Variants in ANKRD45 observed in about 807,000 individuals in gnomAD.
The protein encoded by ANKRD45 is ankyrin repeat domain 45.
Under a neutral mutation model 28.1 loss-of-function variants are expected in ANKRD45, and 21 were observed. The observed-to-expected ratio is 0.75, with a 90% CI of 0.53 to 1.08. ANKRD45 has a LOEUF of 1.08. Among genes scored for constraint, ANKRD45 ranks in the 50% least tolerant of loss-of-function variants. ANKRD45 has a pLI of 0.00. For synonymous variants in ANKRD45, 86 were observed against 103.9 expected (o/e 0.83, Z 1.05); for missense variants, 261 against 308.7 (o/e 0.85, Z 1.16).
the ANKRD45 span, among the ~76,000 whole-genome samples, chr1:173,686,203 GGCAAACATTAAAT>G: frequency 6.6e-6 from 1 of 152,164 alleles, no homozygotes; most frequent in Non-Finnish European, 1.5e-5. Context: ...GGCATAACAA[GGCAAACATTAAAT>G]GCAATAGTTC....
chr1:173,647,269 T>C (rs373252663), intron 2 of ANKRD45, among the ~76,000 whole-genome samples: 3 of 152,288 alleles, frequency 2.0e-5, no homozygotes, highest in South Asian at 4.1e-4. Flanking sequence ...GAAACATCCC[T>C]GGCAAACAGT....
the ANKRD45 span, among the ~76,000 whole-genome samples, chr1:173,707,532 C>T: frequency 6.6e-6 from 1 of 152,068 alleles, no homozygotes; most frequent in East Asian, 1.9e-4. Flanking sequence ...AGGGTTTCAC[C>T]ATGCTGGCCA....
At chr1:173,626,415 CTT>C (rs911550598) in intron 4 of ANKRD45, among the ~76,000 whole-genome samples, 25 of 152,242 alleles carry the variant, frequency 1.6e-4, no homozygotes, top group African/African-American at 5.3e-4. Context: ...CTGTGTATCT[CTT>C]TTCCCATTCT....
At chr1:173,655,527 C>T (rs1669463692) in intron 2 of ANKRD45, among the ~76,000 whole-genome samples, 2 of 152,226 alleles carry the variant, frequency 1.3e-5, no homozygotes, top group Non-Finnish European at 2.9e-5. Context: ...AGGTGTCAGT[C>T]GGCCCCTACT....
chr1:173,629,545 G>A (rs1395659592), intron 3 of ANKRD45, among the ~76,000 whole-genome samples: 1 of 151,876 alleles, frequency 6.6e-6, no homozygotes, highest in African/African-American at 2.4e-5. Context: ...CTTAACAGTA[G>A]AATTGATCAA....
the ANKRD45 span, among the ~76,000 whole-genome samples, chr1:173,714,578 C>A: frequency 6.6e-6 from 1 of 152,188 alleles, no homozygotes; most frequent in African/African-American, 2.4e-5. Context: ...TACATGCCAA[C>A]CCATGTGTGC....
the ANKRD45 span, among the ~76,000 whole-genome samples, chr1:173,710,711 G>A: frequency 8.5e-5 from 13 of 152,260 alleles, no homozygotes; most frequent in East Asian, 5.8e-4. Context: ...TTATTGAGAC[G>A]CTGCCACCAG....
At chr1:173,676,504 A>G in the ANKRD45 span, among the ~76,000 whole-genome samples, 1 of 152,130 alleles carries the variant, frequency 6.6e-6, no homozygotes, top group African/African-American at 2.4e-5. Flanking sequence ...AGTCATAAAC[A>G]TTTCAGCTCT....
intron 2 of ANKRD45, among the ~76,000 whole-genome samples, chr1:173,656,149 C>G (rs1018448769): frequency 6.6e-6 from 1 of 152,200 alleles, no homozygotes; most frequent in East Asian, 1.9e-4. Flanking sequence ...AACCAGGTAC[C>G]TCAGTCGGAA....
the ANKRD45 span, among the ~76,000 whole-genome samples, chr1:173,690,765 T>A: frequency 6.6e-6 from 1 of 152,242 alleles, no homozygotes; most frequent in South Asian, 2.1e-4. Flanking sequence ...TTACCATCTT[T>A]ATCCCCCTTA....
At chr1:173,708,951 C>A in the ANKRD45 span, among the ~76,000 whole-genome samples, 6 of 152,302 alleles carry the variant, frequency 3.9e-5, no homozygotes, top group African/African-American at 1.2e-4. Flanking sequence ...TCTATAGCAG[C>A]ATCAAGAAAA....
the ANKRD45 span, among the ~76,000 whole-genome samples, chr1:173,706,856 C>A: frequency 6.6e-6 from 1 of 152,138 alleles, no homozygotes; most frequent in Non-Finnish European, 1.5e-5. Flanking sequence ...TTTGCTAGAT[C>A]TTGCCAAATC....
At chr1:173,701,277 T>C in the ANKRD45 span, among the ~76,000 whole-genome samples, 2 of 152,208 alleles carry the variant, frequency 1.3e-5, no homozygotes, top group Non-Finnish European at 2.9e-5. Context: ...CTCAAGGATC[T>C]AGAACTAGAA....
chr1:173,659,047 A>T, intron 2 of ANKRD45, 44 bp downstream of exon 2: 1 of 1,582,440 alleles, frequency 6.3e-7, no homozygotes, highest in East Asian at 2.2e-5. Context: ...TTGCATCTTT[A>T]GGTAGTCATA....
the ANKRD45 span, among the ~76,000 whole-genome samples, chr1:173,702,048 A>G: frequency 1.3e-5 from 2 of 152,200 alleles, no homozygotes; most frequent in South Asian, 4.1e-4. Flanking sequence ...ACACTGGTGA[A>G]CACGTAAGTG....
intron 1 of ANKRD45, among the ~76,000 whole-genome samples, chr1:173,668,174 A>G (rs535900954): frequency 6.6e-6 from 1 of 152,366 alleles, no homozygotes; most frequent in Non-Finnish European, 1.5e-5. Flanking sequence ...TGGAGTCCTG[A>G]GACAACAAAG....
At chr1:173,699,551 A>G in the ANKRD45 span, among the ~76,000 whole-genome samples, 1 of 152,210 alleles carries the variant, frequency 6.6e-6, no homozygotes, top group Non-Finnish European at 1.5e-5. Context: ...CCATCACATA[A>G]ACAGAACCAA....
At chr1:173,613,423 A>G (rs1397091822) in intron 5 of ANKRD45, among the ~76,000 whole-genome samples, 1 of 148,702 alleles carries the variant, frequency 6.7e-6, no homozygotes, top group African/African-American at 2.5e-5. Context: ...AGTGAGGAGC[A>G]TCTCCGCCCG....
chr1:173,708,292 TG>T, the ANKRD45 span, among the ~76,000 whole-genome samples: 1 of 152,242 alleles, frequency 6.6e-6, no homozygotes, highest in South Asian at 2.1e-4. Flanking sequence ...TTAAGACATA[TG>T]GCTTTTGGGA....
Sources: allele counts gnomAD v4.1 joint callset (sites outside exome capture counted in the v4.1 genomes callset), GRCh38; gene constraint gnomAD v4.1.1; transcripts MANE v1.5; gene names NCBI Gene and HGNC (gene_info 2026-07-23, HGNC 2026-07-21).